The following FGGY variants were observed in gnomAD, a reference collection of about 807,000 sequenced individuals.
FGGY encodes FGGY carbohydrate kinase domain containing.
FGGY carries 72 observed loss-of-function variants against 71.3 expected under a neutral mutation model. The ratio of observed to expected loss-of-function variants is 1.01; its 90% CI spans 0.84 to 1.23. The LOEUF is 1.23. Ranked by LOEUF, FGGY falls within the 50% of genes most tolerant of loss-of-function variation. The pLI is 0.00. For synonymous variants in FGGY, 251 were observed against 250.3 expected (o/e 1.00, Z -0.02); for missense variants, 668 against 682.3 (o/e 0.98, Z 0.23).
chr1:59,652,064 A>G (rs2097168147), intron 11 of FGGY, among the ~76,000 whole-genome samples: 1 of 151,604 alleles, frequency 6.6e-6, no homozygotes, highest in Non-Finnish European at 1.5e-5. Flanking sequence ...TTTCTTTAAG[A>G]ATGTTGAATA....
intron 5 of FGGY, among the ~76,000 whole-genome samples, chr1:59,421,918 T>C (rs568176109): frequency 6.6e-6 from 1 of 152,138 alleles, no homozygotes; most frequent in South Asian, 2.1e-4. Context: ...TTTTTATTAT[T>C]AGTCTGGAGT....
intron 5 of FGGY, among the ~76,000 whole-genome samples, chr1:59,392,347 C>T (rs543774306): frequency 1.1e-4 from 16 of 152,146 alleles, no homozygotes; most frequent in African/African-American, 3.1e-4. Context: ...TAAGGCTTGG[C>T]GGTTTTCAGG....
rs751001525 is a variant in FGGY at position 59,596,461 on chromosome 1, C to CA, written c.904-11328dup. On this transcript the variant is annotated intron_variant, in intron 8 of 15. Coordinates refer to ENST00000303721, the MANE Select transcript of FGGY (RefSeq NM_018291.5). ...CTTATTTCAATCTTTTTTTTTTCTC[C>CA]AAAAAAAAAAAAAAGTGACTTAGGA... Among the ~76,000 whole-genome samples the CA allele has an allele frequency of 5.1e-3, 640 of 126,506 alleles. 1 individual carries two copies. Among genetic ancestry groups the CA allele is most frequent in the Middle Eastern group, 0.012 (3 of 246 alleles). 83.0% of individuals were successfully genotyped at this position (126,506 alleles called of 152,430 possible). A position where few individuals can be genotyped will look rare whatever the true frequency, so the allele number is the denominator to read the frequency against.
chr1:59,648,505 A>G (rs1341352030), intron 11 of FGGY, among the ~76,000 whole-genome samples: 15 of 133,234 alleles, frequency 1.1e-4, no homozygotes, highest in African/African-American at 1.9e-4. Flanking sequence ...GCCAGTGATG[A>G]TGAGCATTTT....
chr1:59,697,817 C>A, intron 14 of FGGY: 1 of 727,088 alleles, frequency 1.4e-6, no homozygotes, highest in Non-Finnish European at 1.9e-6. Context: ...GTTTCTTCTG[C>A]CCAAGGCTTC....
At chr1:59,619,956 C>T (rs1489860375) in intron 9 of FGGY, among the ~76,000 whole-genome samples, 1 of 151,940 alleles carries the variant, frequency 6.6e-6, no homozygotes, top group Non-Finnish European at 1.5e-5. Context: ...GAGCCACCTT[C>T]AAACCTTGAC....
chr1:59,350,189 G>T (rs1268631053), intron 4 of FGGY, among the ~76,000 whole-genome samples: 1 of 152,122 alleles, frequency 6.6e-6, no homozygotes, highest in East Asian at 1.9e-4. Context: ...ATTCTTGGAA[G>T]TCTGTACTGA....
At chr1:59,360,824 C>T (rs775994717) in intron 4 of FGGY, among the ~76,000 whole-genome samples, 10 of 152,034 alleles carry the variant, frequency 6.6e-5, no homozygotes, top group African/African-American at 2.2e-4. Context: ...TTTAATCGTC[C>T]GGAAGACTTG....
chr1:59,421,985 CCCTTGGCTTTGAGAGT>C (rs2065517056), intron 5 of FGGY, among the ~76,000 whole-genome samples: 1 of 152,150 alleles, frequency 6.6e-6, no homozygotes, highest in Non-Finnish European at 1.5e-5. Context: ...TTGGAGTCAG[CCCTTGGCTTTGAGAGT>C]GTGCTGTGAT....
intron 4 of FGGY, among the ~76,000 whole-genome samples, chr1:59,350,479 G>T (rs992661198): frequency 7.9e-5 from 12 of 152,208 alleles, no homozygotes; most frequent in African/African-American, 2.9e-4. Context: ...TAGCAGAGAA[G>T]ATAGGAAAGA....
intron 1 of FGGY, among the ~76,000 whole-genome samples, chr1:59,301,581 T>C (rs896415585): frequency 6.6e-5 from 10 of 152,180 alleles, no homozygotes; most frequent in African/African-American, 2.4e-4. Context: ...TAGTTGTATA[T>C]CTTTTGTAGA....
intron 11 of FGGY, among the ~76,000 whole-genome samples, chr1:59,651,323 CGTTGATCTGTCTA>C (rs2097158220): frequency 6.6e-6 from 1 of 151,124 alleles, no homozygotes; most frequent in Admixed American, 6.6e-5. Context: ...CTTTCTGTCT[CGTTGATCTGTCTA>C]ATGTTGACAG....
In FGGY at chr1:59,649,780, A is replaced by T. The variant is rs990584414; in HGVS notation, c.1222-10439A>T. Among the ~76,000 whole-genome samples the T allele has an allele frequency of 3.5e-5, 5 of 142,514 alleles. No individual in the cohort carries two copies. The South Asian group carries it at 1.1e-3, about 31-fold the overall frequency. 93.5% of individuals were successfully genotyped at this position (142,514 alleles called of 152,430 possible). A position where few individuals can be genotyped will look rare whatever the true frequency, so the allele number is the denominator to read the frequency against. The stretch of plus-strand genomic sequence containing the variant: ...CTAATTGCCCTGGCCAGAACTTCCA[A>T]CACTGTGTTGAATAGGAGTGGTGAG... On this transcript the variant is annotated intron_variant, in intron 11 of 15. Coordinates refer to ENST00000303721, the MANE Select transcript of FGGY (RefSeq NM_018291.5).
chr1:59,298,328 T>C (rs560181278), intron 1 of FGGY, among the ~76,000 whole-genome samples: 3 of 151,932 alleles, frequency 2.0e-5, no homozygotes, highest in Admixed American at 2.0e-4. Context: ...TTAAGGATGA[T>C]TGGGGGAACA....
At chr1:59,416,191 A>T (rs142668511) in intron 5 of FGGY, among the ~76,000 whole-genome samples, 12 of 152,346 alleles carry the variant, frequency 7.9e-5, no homozygotes, top group African/African-American at 2.9e-4. Flanking sequence ...AGAAGCATGT[A>T]TCAGGAATGC....
intron 14 of FGGY, among the ~76,000 whole-genome samples, chr1:59,689,419 G>A (rs1403247257): frequency 6.6e-6 from 1 of 152,188 alleles, no homozygotes; most frequent in Non-Finnish European, 1.5e-5. Flanking sequence ...TAGGACCACA[G>A]TTGATTACAG....
intron 5 of FGGY, among the ~76,000 whole-genome samples, chr1:59,442,630 A>C (rs1257892103): frequency 6.6e-6 from 1 of 152,144 alleles, no homozygotes; most frequent in Non-Finnish European, 1.5e-5. Flanking sequence ...TCAAAGGGAT[A>C]CTGTTCATGT....
intron 4 of FGGY, among the ~76,000 whole-genome samples, chr1:59,367,357 T>G (rs188381584): frequency 6.6e-6 from 1 of 152,234 alleles, no homozygotes; most frequent in South Asian, 2.1e-4. Flanking sequence ...GAAACTCTTT[T>G]CTCTCTGGGC....
At chr1:59,749,177 G>C (rs751689693) in intron 14 of FGGY, among the ~76,000 whole-genome samples, 6 of 152,086 alleles carry the variant, frequency 3.9e-5, no homozygotes, top group Non-Finnish European at 8.8e-5. Flanking sequence ...TCTTCCATTT[G>C]GCTGTTCCTG....
Sources: allele counts gnomAD v4.1 joint callset (sites outside exome capture counted in the v4.1 genomes callset), GRCh38; gene constraint gnomAD v4.1.1; transcripts MANE v1.5; gene names NCBI Gene and HGNC (gene_info 2026-07-23, HGNC 2026-07-21).